Variants in PCSK2 observed in about 807,000 individuals in gnomAD.
PCSK2 encodes the protein proprotein convertase subtilisin/kexin type 2, also known as neuroendocrine convertase 2.
Under a neutral mutation model 69.7 loss-of-function variants are expected in PCSK2, and 14 were observed. That is an observed-to-expected ratio of 0.20 (90% CI 0.13 to 0.31). The LOEUF is 0.31. Among genes scored for constraint, PCSK2 ranks in the 10% least tolerant of loss-of-function variants. PCSK2 has a pLI of 1.00. For missense variants in PCSK2, 544 were observed against 842.5 expected (o/e 0.65, Z 4.39); for synonymous variants, 307 against 320.7 (o/e 0.96, Z 0.46).
chr20:17,261,676 T>C (rs1900524203), intron 2 of PCSK2, among the ~76,000 whole-genome samples: 1 of 152,108 alleles, frequency 6.6e-6, no homozygotes, highest in African/African-American at 2.4e-5. Flanking sequence ...GCTATACCAA[T>C]TCATTACCTG....
chr20:17,228,772 G>A (rs533361663), intron 1 of PCSK2, among the ~76,000 whole-genome samples: 131 of 152,304 alleles, frequency 8.6e-4, no homozygotes, highest in Non-Finnish European at 1.4e-3. Context: ...TCCTCCTAAG[G>A]GCGTAGGCAG....
intron 10 of PCSK2, among the ~76,000 whole-genome samples, chr20:17,462,850 A>G (rs1368205785): frequency 6.6e-6 from 1 of 152,128 alleles, no homozygotes; most frequent in Non-Finnish European, 1.5e-5. Context: ...CCATAAATTT[A>G]TTTTTTAATT....
chr20:17,473,515 A>G (rs2033240963), intron 11 of PCSK2, among the ~76,000 whole-genome samples: 1 of 152,126 alleles, frequency 6.6e-6, no homozygotes, highest in Non-Finnish European at 1.5e-5. Context: ...TTTTTGTTCC[A>G]CCACCAACCT....
intron 8 of PCSK2, among the ~76,000 whole-genome samples, chr20:17,449,073 G>A (rs911584501): frequency 3.9e-5 from 6 of 152,046 alleles, no homozygotes; most frequent in African/African-American, 4.8e-5. Flanking sequence ...TGGGCCTCTC[G>A]CTACTTTGCC....
At chr20:17,266,142 G>A (rs962194157) in intron 2 of PCSK2, among the ~76,000 whole-genome samples, 18 of 152,122 alleles carry the variant, frequency 1.2e-4, no homozygotes, top group Non-Finnish European at 2.5e-4. Flanking sequence ...GCTATAAATG[G>A]AAAAGTGAAA....
intron 2 of PCSK2, among the ~76,000 whole-genome samples, chr20:17,311,184 T>A (rs1006693417): frequency 1.4e-4 from 21 of 152,082 alleles, no homozygotes; most frequent in African/African-American, 4.8e-4. Flanking sequence ...AACAAGATAA[T>A]GAAACCTTCT....
At chr20:17,293,399 C>G (rs1988764487) in intron 2 of PCSK2, among the ~76,000 whole-genome samples, 1 of 152,126 alleles carries the variant, frequency 6.6e-6, no homozygotes, top group South Asian at 2.1e-4. Flanking sequence ...ACATCCTTGT[C>G]TTGTTTAAGA....
At chr20:17,307,548 G>A (rs770037890) in intron 2 of PCSK2, among the ~76,000 whole-genome samples, 8 of 152,176 alleles carry the variant, frequency 5.3e-5, no homozygotes, top group Non-Finnish European at 8.8e-5. Flanking sequence ...GTACAGGTGG[G>A]CTTCAACTAT....
At position 17,465,330 on chromosome 20, in the gene PCSK2, G is replaced by T; in HGVS notation, c.1207G>T (p.Gly403Cys). The T allele has an allele frequency of 6.2e-7, 1 of 1,613,640 alleles. No individual in the cohort carries two copies. Among genetic ancestry groups the T allele is most frequent in the Non-Finnish European group, 8.5e-7 (1 of 1,179,708 alleles). The change falls in exon 11 of 12, where the codon GGT becomes TGT. Residue 403 changes from glycine (G) to cysteine (C), a missense_variant. By Grantham distance (159) the Gly-to-Cys change is radical. Transcript: ENST00000262545. ...VFALALEANL[G>C]LTWRDMQHLT... is the part of the protein sequence containing the mutation. Reference sequence around the variant, plus strand: ...CTCTCTGCTTCCTGTATCCAGCCTGGGTCTGACCTGGCGGGACATGCAGCA... The same window carrying T: ...CTCTCTGCTTCCTGTATCCAGCCTGTGTCTGACCTGGCGGGACATGCAGCA...
At chr20:17,369,443 C>T (rs568430498) in intron 5 of PCSK2, among the ~76,000 whole-genome samples, 166 bp downstream of exon 5, 8 of 152,242 alleles carry the variant, frequency 5.3e-5, no homozygotes, top group East Asian at 3.9e-4. Context: ...AACATATGCA[C>T]GCACACATGG....
intron 1 of PCSK2, among the ~76,000 whole-genome samples, chr20:17,248,723 C>T (rs1190784658): frequency 2.0e-5 from 3 of 152,126 alleles, no homozygotes; most frequent in Non-Finnish European, 4.4e-5. Flanking sequence ...GAAAGAATCC[C>T]AAAGAATCCA....
intron 11 of PCSK2, among the ~76,000 whole-genome samples, chr20:17,478,756 T>G (rs1388964390): frequency 6.6e-6 from 1 of 152,218 alleles, no homozygotes; most frequent in Non-Finnish European, 1.5e-5. Context: ...AAAGAGAATT[T>G]TATTATCTGA....
At chr20:17,307,871 G>C (rs1409601492) in intron 2 of PCSK2, among the ~76,000 whole-genome samples, 1 of 152,194 alleles carries the variant, frequency 6.6e-6, no homozygotes. Flanking sequence ...AAGAAACGAG[G>C]TTTAATTGGC....
At chr20:17,333,401 A>G (rs1990253061) in intron 2 of PCSK2, among the ~76,000 whole-genome samples, 2 of 152,220 alleles carry the variant, frequency 1.3e-5, no homozygotes, top group Admixed American at 6.5e-5. Context: ...GATTTTGCAG[A>G]ATCTCATGCT....
chr20:17,249,698 T>A (rs188011720), intron 1 of PCSK2, among the ~76,000 whole-genome samples: 2 of 152,238 alleles, frequency 1.3e-5, no homozygotes, highest in African/African-American at 4.8e-5. Flanking sequence ...TGCCACAACA[T>A]GATGAACCTT....
intron 1 of PCSK2, among the ~76,000 whole-genome samples, chr20:17,247,160 C>T (rs1344997352): frequency 6.6e-6 from 1 of 152,208 alleles, no homozygotes; most frequent in African/African-American, 2.4e-5. Flanking sequence ...CACATGGTCT[C>T]TCATCCTCCA....
intron 2 of PCSK2, among the ~76,000 whole-genome samples, chr20:17,300,424 G>A (rs1443000364): frequency 6.6e-6 from 1 of 152,216 alleles, no homozygotes; most frequent in East Asian, 1.9e-4. Context: ...ATTCCCCAGA[G>A]GTCCTTGCCC....
chr20:17,370,773 G>A (rs117276421), intron 5 of PCSK2, among the ~76,000 whole-genome samples: 26 of 152,288 alleles, frequency 1.7e-4, no homozygotes, highest in African/African-American at 5.1e-4. Flanking sequence ...GGCTGACTCC[G>A]CTAGTGCCTT....
chr20:17,340,647 T>A (rs1186504903), intron 2 of PCSK2, among the ~76,000 whole-genome samples: 1 of 152,266 alleles, frequency 6.6e-6, no homozygotes, highest in East Asian at 1.9e-4. Context: ...GTTACAATCT[T>A]GATGTACATC....
Sources: gnomAD v4.1 joint callset for allele counts (sites outside exome capture counted in the v4.1 genomes callset) on GRCh38, gnomAD v4.1.1 for gene constraint, MANE v1.5 for transcripts, NCBI Gene and HGNC (gene_info 2026-07-23, HGNC 2026-07-21) for gene names.